The following PRKCA variants were observed in gnomAD, a reference collection of about 807,000 sequenced individuals.
PRKCA encodes protein kinase C alpha.
Under a neutral mutation model 87.0 loss-of-function variants are expected in PRKCA, and 27 were observed. That is an observed-to-expected ratio of 0.31 (90% CI 0.23 to 0.43). The LOEUF (loss-of-function observed/expected upper bound fraction) is 0.43, where lower values mean the gene tolerates loss of function less well. Among genes scored for constraint, PRKCA ranks in the 20% least tolerant of loss-of-function variants. PRKCA has a pLI of 1.00. For synonymous variants in PRKCA, 329 were observed against 311.1 expected (o/e 1.06, Z -0.61); for missense variants, 518 against 852.3 (o/e 0.61, Z 4.88).
intron 5 of PRKCA, among the ~76,000 whole-genome samples, chr17:66,663,899 A>G (rs1971973606): frequency 1.4e-5 from 2 of 147,568 alleles, no homozygotes; most frequent in Non-Finnish European, 3.0e-5. Context: ...ACAGGGTCTC[A>G]CTCAGTCACC....
intron 2 of PRKCA, among the ~76,000 whole-genome samples, chr17:66,361,355 A>G (rs980696415): frequency 5.3e-5 from 8 of 150,682 alleles, no homozygotes; most frequent in Non-Finnish European, 1.0e-4. Flanking sequence ...TCTGTTGCCC[A>G]GGCTGGAGTG....
intron 2 of PRKCA, among the ~76,000 whole-genome samples, chr17:66,489,034 C>A (rs1916103910): frequency 6.6e-6 from 1 of 152,028 alleles, no homozygotes; most frequent in Non-Finnish European, 1.5e-5. Context: ...TCATTAATCC[C>A]TTCCAGCTAA....
At chr17:66,402,414 ATTTTTTTTTTTTT>A (rs368233389) in intron 2 of PRKCA, among the ~76,000 whole-genome samples, 2 of 133,678 alleles carry the variant, frequency 1.5e-5, no homozygotes, top group Admixed American at 1.6e-4. Context: ...AGGCCAAGAA[ATTTTTTTTTTTTT>A]TTTTTTTTAA....
At chr17:66,640,096 A>C (rs1327960126) in intron 3 of PRKCA, among the ~76,000 whole-genome samples, 1 of 152,186 alleles carries the variant, frequency 6.6e-6, no homozygotes, top group Non-Finnish European at 1.5e-5. Context: ...ACCCTGTGAT[A>C]CGGCACTCTT....
intron 8 of PRKCA, chr17:66,703,810 A>G (rs1973125438): frequency 6.7e-6 from 1 of 149,364 alleles, no homozygotes; most frequent in Non-Finnish European, 1.5e-5. Flanking sequence ...AAAAAAAAAT[A>G]GAAAAAATAT....
intron 2 of PRKCA, among the ~76,000 whole-genome samples, chr17:66,477,545 C>A (rs1915586371): frequency 6.6e-6 from 1 of 152,000 alleles, no homozygotes; most frequent in South Asian, 2.1e-4. Context: ...ACTAAAAATA[C>A]AAAAATTAGC....
chr17:66,532,418 T>G (rs1967584261), intron 3 of PRKCA, among the ~76,000 whole-genome samples: 1 of 151,422 alleles, frequency 6.6e-6, no homozygotes, highest in South Asian at 2.1e-4. Flanking sequence ...CAGGGTGGAG[T>G]GCAGTGGTGC....
intron 2 of PRKCA, among the ~76,000 whole-genome samples, chr17:66,379,126 G>A (rs1012156446): frequency 6.6e-6 from 1 of 152,100 alleles, no homozygotes; most frequent in African/African-American, 2.4e-5. Flanking sequence ...TTGTGCATGA[G>A]TTTTTTTGTG....
intron 2 of PRKCA, among the ~76,000 whole-genome samples, chr17:66,331,419 A>C (rs1906317315): frequency 6.6e-6 from 1 of 152,104 alleles, no homozygotes; most frequent in South Asian, 2.1e-4. Flanking sequence ...TTGTTGTGTT[A>C]GTTGTGATCA....
intron 2 of PRKCA, among the ~76,000 whole-genome samples, chr17:66,390,100 G>A (rs1452668319): frequency 6.6e-6 from 1 of 152,182 alleles, no homozygotes. Context: ...GCGCATGCCT[G>A]TAATCCCAGC....
intron 3 of PRKCA, among the ~76,000 whole-genome samples, chr17:66,500,922 C>G (rs76162199): frequency 0.034 from 5,101 of 152,188 alleles, 303 homozygotes; most frequent in African/African-American, 0.12. Context: ...CTGCCCTAAG[C>G]ATTTTTCCCC....
chr17:66,758,742 G>A (rs1974613408), intron 13 of PRKCA, among the ~76,000 whole-genome samples: 1 of 152,154 alleles, frequency 6.6e-6, no homozygotes, highest in Non-Finnish European at 1.5e-5. Flanking sequence ...TCATCTTTGT[G>A]CTCTTGCTGC....
intron 2 of PRKCA, among the ~76,000 whole-genome samples, chr17:66,349,989 G>A (rs762647413): frequency 1.3e-5 from 2 of 152,014 alleles, no homozygotes; most frequent in Admixed American, 6.5e-5. Context: ...CCTAGGAGCC[G>A]GCGTGTGTGG....
chr17:66,699,508 A>G (rs1774479597), intron 8 of PRKCA, among the ~76,000 whole-genome samples: 1 of 152,260 alleles, frequency 6.6e-6, no homozygotes. Flanking sequence ...TAGGCCAATA[A>G]TGAGTAAGGA....
chr17:66,324,447 C>A (rs113536102), intron 2 of PRKCA, among the ~76,000 whole-genome samples: 1,068 of 89,964 alleles, frequency 0.012, no homozygotes, highest in South Asian at 0.016. Flanking sequence ...ACTAAAAATA[C>A]AAAAAAAAAA....
chr17:66,395,030 A>T (rs947327626), intron 2 of PRKCA, among the ~76,000 whole-genome samples: 2 of 152,228 alleles, frequency 1.3e-5, no homozygotes, highest in African/African-American at 4.8e-5. Context: ...TATGGGTTTA[A>T]ACTTTTTTTT....
At chr17:66,534,190 C>A (rs549949744) in intron 3 of PRKCA, among the ~76,000 whole-genome samples, 1 of 151,286 alleles carries the variant, frequency 6.6e-6, no homozygotes, top group African/African-American at 2.4e-5. Flanking sequence ...TTTGCATATT[C>A]CCCTCGGGTA....
At chr17:66,421,412 C>G (rs150566283) in intron 2 of PRKCA, among the ~76,000 whole-genome samples, 7 of 141,488 alleles carry the variant, frequency 4.9e-5, no homozygotes, top group African/African-American at 1.5e-4. Context: ...TATGTCAGAA[C>G]TCAGCCACAG....
intron 3 of PRKCA, among the ~76,000 whole-genome samples, chr17:66,602,510 T>C (rs1970074611): frequency 6.6e-6 from 1 of 151,962 alleles, no homozygotes; most frequent in Admixed American, 6.6e-5. Flanking sequence ...CAGATGGAAA[T>C]GCAGAAATCA....
Sources: allele counts gnomAD v4.1 joint callset (sites outside exome capture counted in the v4.1 genomes callset), GRCh38; gene constraint gnomAD v4.1.1; transcripts MANE v1.5; gene names NCBI Gene and HGNC (gene_info 2026-07-23, HGNC 2026-07-21).